Variants in CDK14 observed in about 807,000 individuals in gnomAD.
CDK14 encodes the protein cyclin dependent kinase 14, also known as cyclin-dependent kinase 14.
CDK14 carries 34 observed loss-of-function variants against 60.7 expected under a neutral mutation model. The observed-to-expected ratio is 0.56, with a 90% CI of 0.43 to 0.75. The LOEUF (loss-of-function observed/expected upper bound fraction) is 0.75, where lower values mean the gene tolerates loss of function less well. Among genes scored for constraint, CDK14 ranks in the 30% least tolerant of loss-of-function variants. The pLI is 0.00. For missense variants in CDK14, 482 were observed against 564.1 expected, an observed-to-expected ratio of 0.85 and a Z score of 1.47; for synonymous variants, 197 against 203.7, an observed-to-expected ratio of 0.97 and a Z score of 0.28.
At chr7:90,774,262 T>C (rs1804924725) in intron 4 of CDK14, among the ~76,000 whole-genome samples, 1 of 152,184 alleles carries the variant, frequency 6.6e-6, no homozygotes, top group Non-Finnish European at 1.5e-5. Flanking sequence ...CTTTTTAAAA[T>C]CTATTTAGCT....
chr7:90,956,503 C>T (rs1366974730), intron 9 of CDK14, among the ~76,000 whole-genome samples: 2 of 152,090 alleles, frequency 1.3e-5, no homozygotes, highest in African/African-American at 2.4e-5. Context: ...GCATGAAGGA[C>T]GGACTGTTGA....
intron 2 of CDK14, among the ~76,000 whole-genome samples, chr7:90,605,242 T>C (rs1279517527): frequency 6.6e-6 from 1 of 152,174 alleles, no homozygotes; most frequent in Non-Finnish European, 1.5e-5. Context: ...GAGAACCTGC[T>C]CCAGGCTGGG....
At chr7:90,736,360 T>TG (rs1303879591) in intron 3 of CDK14, among the ~76,000 whole-genome samples, 1 of 147,128 alleles carries the variant, frequency 6.8e-6, no homozygotes, top group African/African-American at 2.5e-5. Flanking sequence ...GTTTTTTTTT[T>TG]TTTTTTTTTT....
intron 2 of CDK14, among the ~76,000 whole-genome samples, chr7:90,655,464 C>T (rs10278592): frequency 1.3e-5 from 2 of 151,980 alleles, no homozygotes; most frequent in African/African-American, 4.8e-5. Context: ...TTAAACTAGT[C>T]ACAGTTAAGG....
In CDK14 at chr7:90,984,178, C is replaced by G. The variant is rs1380755090; in HGVS notation, c.978C>G (p.Ile326Met). 1 of 1,611,704 alleles carries G rather than the reference C, an allele frequency of 6.2e-7. No individual in the cohort carries two copies. The highest frequency in any genetic ancestry group is 8.5e-7 in the Non-Finnish European group (1 of 1,178,052). Residue 326 changes from isoleucine (I) to methionine (M), a missense_variant, in exon 10 of 15, where the codon ATC becomes ATG. Ile to Met is a conservative substitution (Grantham distance 10). Transcript: ENST00000380050. ...WGVGCIFVEM[I>M]QGVAAFPGMK... is the part of the protein sequence containing the mutation. ...TAGGTTGCATCTTTGTTGAAATGAT[C>G]CAAGGAGTTGCTGCTTTTCCAGGAA...
At chr7:90,926,531 C>T (rs902989579) in intron 8 of CDK14, among the ~76,000 whole-genome samples, 5 of 152,150 alleles carry the variant, frequency 3.3e-5, no homozygotes, top group African/African-American at 1.2e-4. Flanking sequence ...CAGTGCTGGG[C>T]AGTAGCTCAA....
chr7:90,822,601 C>A (rs918322993), intron 5 of CDK14, among the ~76,000 whole-genome samples: 4 of 152,148 alleles, frequency 2.6e-5, no homozygotes, highest in African/African-American at 7.2e-5. Flanking sequence ...TGCAGAGCAG[C>A]CTTTGCCCTG....
intron 2 of CDK14, among the ~76,000 whole-genome samples, chr7:90,676,020 A>G (rs1487780975): frequency 1.3e-5 from 2 of 152,200 alleles, no homozygotes; most frequent in South Asian, 2.1e-4. Context: ...AAGAATAATC[A>G]TTATGTAGAT....
At chr7:91,137,123 T>G (rs1800304325) in intron 14 of CDK14, among the ~76,000 whole-genome samples, 1 of 152,196 alleles carries the variant, frequency 6.6e-6, no homozygotes, top group South Asian at 2.1e-4. Context: ...GTGGATAAAA[T>G]TGTGCTTGCT....
At chr7:91,183,202 G>T (rs1392846313) in intron 14 of CDK14, among the ~76,000 whole-genome samples, 2 of 152,182 alleles carry the variant, frequency 1.3e-5, no homozygotes, top group Admixed American at 6.5e-5. Context: ...CCAGGCTGGG[G>T]TGGTGCACAG....
intron 11 of CDK14, among the ~76,000 whole-genome samples, chr7:91,050,213 A>G (rs1797350641): frequency 1.3e-5 from 2 of 152,286 alleles, no homozygotes; most frequent in South Asian, 4.1e-4. Context: ...ACAAGGCAGC[A>G]CAGGAGCTGG....
At chr7:90,881,406 G>T (rs990242213) in intron 6 of CDK14, among the ~76,000 whole-genome samples, 1 of 151,938 alleles carries the variant, frequency 6.6e-6, no homozygotes, top group Non-Finnish European at 1.5e-5. Context: ...GAAAAAAAAT[G>T]AAACAAGCCT....
chr7:91,088,569 A>ATGTG (rs35277214), intron 12 of CDK14, among the ~76,000 whole-genome samples: 1,982 of 149,612 alleles, frequency 0.013, 24 homozygotes, highest in East Asian at 0.035. Context: ...GTTTATATAT[A>ATGTG]TGTGTGTGTG....
At chr7:90,983,479 A>G (rs1795289744) in intron 9 of CDK14, among the ~76,000 whole-genome samples, 1 of 152,134 alleles carries the variant, frequency 6.6e-6, no homozygotes, top group Non-Finnish European at 1.5e-5. Flanking sequence ...GGAGATCGCG[A>G]CCATCCTGGC....
chr7:90,953,086 TC>T (rs1371118646), intron 8 of CDK14, among the ~76,000 whole-genome samples: 3 of 152,160 alleles, frequency 2.0e-5, no homozygotes, highest in African/African-American at 7.2e-5. Flanking sequence ...TTTTCTCCCT[TC>T]CTGAAAAGTT....
At chr7:90,907,688 A>G (rs1020852599) in intron 7 of CDK14, among the ~76,000 whole-genome samples, 1 of 152,098 alleles carries the variant, frequency 6.6e-6, no homozygotes, top group Non-Finnish European at 1.5e-5. Context: ...AGTATCCGCA[A>G]TCCTATTGGC....
Position 90,688,882 on chromosome 7 carries a change from C to T in CDK14, c.124-37685C>T, listed in dbSNP as rs1333188364. 2.0e-5 allele frequency among the ~76,000 whole-genome samples: 3 copies of T among 152,214 alleles called. No homozygotes were observed. The East Asian group carries it at 5.8e-4, about 29-fold the overall frequency. On this transcript the variant is annotated intron_variant, in intron 2 of 14. Coordinates refer to ENST00000380050, the MANE Select transcript of CDK14 (RefSeq NM_001287135.2). ...AAAAGCCATAATGAATTTTCAGAGT[C>T]CCTCCCTTCCCTTTTCTCTCTCCTT...
chr7:90,832,754 G>T (rs558908562), intron 5 of CDK14, among the ~76,000 whole-genome samples: 2 of 152,276 alleles, frequency 1.3e-5, no homozygotes, highest in South Asian at 4.1e-4. Context: ...CGGAGGTCAG[G>T]TTTAATAAAA....
rs147873904 is a variant in CDK14 at position 90,789,807 on chromosome 7, A to G, written c.465-766A>G. Among the ~76,000 whole-genome samples, 745 of 152,286 alleles carry G rather than the reference A, an allele frequency of 4.9e-3. 3 individuals carry two copies. Among genetic ancestry groups the G allele is most frequent in the African/African-American group, 0.016 (673 of 41,578 alleles). On this transcript the variant is annotated intron_variant, in intron 4 of 14. Transcript: ENST00000380050. ...TCTAGGCCCAGTGTAGGTAGAAAAT[A>G]GAACAGTCAAGGAGGGGACTAATAT...
Sources: gnomAD v4.1 joint callset for allele counts (sites outside exome capture counted in the v4.1 genomes callset) on GRCh38, gnomAD v4.1.1 for gene constraint, MANE v1.5 for transcripts, NCBI Gene and HGNC (gene_info 2026-07-23, HGNC 2026-07-21) for gene names.